The following RERE variants were observed in gnomAD, a reference collection of about 807,000 sequenced individuals.
The protein encoded by RERE is arginine-glutamic acid dipeptide repeats protein.
A neutral mutation model predicts 146.1 loss-of-function variants in RERE; 40 were observed. That is an observed-to-expected ratio of 0.27 (90% confidence interval 0.21 to 0.36). The LOEUF (loss-of-function observed/expected upper bound fraction) is 0.36. Among genes scored for constraint, RERE ranks in the 10% least tolerant of loss-of-function variants. The probability of loss-of-function intolerance (pLI) is 1.00; values close to 1 mark genes in which losing one functional copy is unlikely to be tolerated. For synonymous variants in RERE, 1,003 were observed against 866.0 expected, an observed-to-expected ratio of 1.16 and a Z score of -2.78; for missense variants, 1,933 against 2,138.7, an observed-to-expected ratio of 0.90 and a Z score of 1.90.
intron 1 of RERE, among the ~76,000 whole-genome samples, chr1:8,701,062 T>C (rs1004163260): frequency 1.3e-5 from 2 of 152,154 alleles, no homozygotes; most frequent in Non-Finnish European, 2.9e-5. Context: ...ACCTTCAGTG[T>C]AAGATAAAAC....
intron 10 of RERE, among the ~76,000 whole-genome samples, chr1:8,488,513 T>TG (rs545550260): frequency 9.3e-4 from 141 of 152,330 alleles, no homozygotes; most frequent in Non-Finnish European, 1.8e-3. Flanking sequence ...CCCAAAGTGC[T>TG]GGGATTATAG....
intron 12 of RERE, among the ~76,000 whole-genome samples, chr1:8,404,801 G>A (rs1183822692): frequency 1.3e-5 from 2 of 152,174 alleles, no homozygotes; most frequent in East Asian, 1.9e-4. Context: ...GTGTCAGGGC[G>A]AGGTGGAAGG....
chr1:8,689,386 A>G (rs1639159145), intron 1 of RERE, among the ~76,000 whole-genome samples: 1 of 152,212 alleles, frequency 6.6e-6, no homozygotes, highest in Non-Finnish European at 1.5e-5. Flanking sequence ...GATAGCCACA[A>G]ATAACTCCTC....
chr1:8,586,801 GT>G (rs33933952), intron 4 of RERE, among the ~76,000 whole-genome samples: 128,619 of 152,140 alleles, frequency 0.85, 54,635 homozygotes, highest in East Asian at 0.95. Context: ...GAAAATGTAT[GT>G]TAAGAAAATA....
intron 12 of RERE, among the ~76,000 whole-genome samples, chr1:8,413,532 TGGGGTTTCA>T (rs1643673160): frequency 6.6e-6 from 1 of 151,198 alleles, no homozygotes; most frequent in African/African-American, 2.4e-5. Context: ...TTTGTAGAGA[TGGGGTTTCA>T]CCATGTTGCC....
chr1:8,499,066 G>A (rs1222309629), intron 8 of RERE, among the ~76,000 whole-genome samples: 5 of 151,852 alleles, frequency 3.3e-5, no homozygotes, highest in African/African-American at 1.2e-4. Flanking sequence ...ACACTCTGCT[G>A]GGACAGAGCA....
At chr1:8,698,575 C>G (rs1016584841) in intron 1 of RERE, among the ~76,000 whole-genome samples, 3 of 152,312 alleles carry the variant, frequency 2.0e-5, no homozygotes, top group Admixed American at 2.0e-4. Context: ...GCTCATTCAT[C>G]TTGTGGAAAA....
intron 1 of RERE, among the ~76,000 whole-genome samples, chr1:8,716,873 C>A (rs990863363): frequency 1.6e-4 from 24 of 152,010 alleles, no homozygotes; most frequent in Admixed American, 5.2e-4. Context: ...ACGTAGGCAT[C>A]GGACTGAAAT....
At chr1:8,734,584 T>C (rs1302102302) in intron 1 of RERE, among the ~76,000 whole-genome samples, 1 of 152,168 alleles carries the variant, frequency 6.6e-6, no homozygotes, top group Non-Finnish European at 1.5e-5. Flanking sequence ...TTACTTAATC[T>C]CCCTGCCTCG....
chr1:8,602,491 A>G (rs980661810), intron 4 of RERE, among the ~76,000 whole-genome samples: 2 of 148,352 alleles, frequency 1.3e-5, no homozygotes, highest in Non-Finnish European at 3.0e-5. Flanking sequence ...ATAGAAGCCC[A>G]TAAGAATTCC....
intron 1 of RERE, among the ~76,000 whole-genome samples, chr1:8,674,678 A>G (rs560582224): frequency 1.3e-5 from 2 of 152,350 alleles, no homozygotes; most frequent in African/African-American, 2.4e-5. Flanking sequence ...AAGTGCCCCA[A>G]TGTTGACTTG....
At chr1:8,697,379 A>G (rs374455897) in intron 1 of RERE, among the ~76,000 whole-genome samples, 1 of 111,942 alleles carries the variant, frequency 8.9e-6, no homozygotes, top group African/African-American at 3.3e-5. Flanking sequence ...TCCCCCAACC[A>G]CACCCCCCCC....
intron 12 of RERE, among the ~76,000 whole-genome samples, chr1:8,417,733 A>G (rs1463471296): frequency 6.6e-6 from 1 of 152,102 alleles, no homozygotes; most frequent in African/African-American, 2.4e-5. Context: ...ACCCATACAC[A>G]TTCTTTGGAG....
In RERE at chr1:8,355,111, C is replaced by T. The variant is rs756416420; in HGVS notation, c.4677G>A (p.Lys1559=). 4.3e-6 allele frequency: 7 copies of T among 1,613,982 alleles called. No individual in the cohort carries two copies. The highest frequency in any genetic ancestry group is 1.1e-5 in the South Asian group (1 of 91,082). ...PSQEDYYSRL[K]KEGDKQL ...CTTATAACTGCTTGTCACCTTCTTTCTTCAGTCGACTGGAAAGACAAAACA... is the reference window on the plus strand; with the variant it reads ...CTTATAACTGCTTGTCACCTTCTTTTTTCAGTCGACTGGAAAGACAAAACA... Residue 1559 remains lysine, a synonymous_variant, in exon 23 of 23, where the codon AAG becomes AAA. Coordinates refer to ENST00000400908, the MANE Select transcript of RERE (RefSeq NM_001042681.2).
At chr1:8,729,992 A>G (rs991039177) in intron 1 of RERE, among the ~76,000 whole-genome samples, 1 of 152,196 alleles carries the variant, frequency 6.6e-6, no homozygotes, top group Non-Finnish European at 1.5e-5. Flanking sequence ...CACTCACATC[A>G]ATGTTACACT....
At chr1:8,486,676 A>G (rs1045165009) in intron 10 of RERE, among the ~76,000 whole-genome samples, 1 of 151,638 alleles carries the variant, frequency 6.6e-6, no homozygotes, top group African/African-American at 2.4e-5. Context: ...CAAACTCTAA[A>G]GAGATCAATA....
chr1:8,708,839 GC>G (rs1639608070), intron 1 of RERE, among the ~76,000 whole-genome samples: 1 of 148,728 alleles, frequency 6.7e-6, no homozygotes, highest in Non-Finnish European at 1.5e-5. Flanking sequence ...ACAATTTTAA[GC>G]AAACTATCTA....
At position 8,354,713 on chromosome 1, in the gene RERE, G is replaced by A. The variant is rs189223675; in HGVS notation, c.*374C>T. On this transcript the variant is annotated 3_prime_UTR_variant, in exon 23 of 23. Transcript: ENST00000400908. ...TCGTGGGCTCTGGAGCACTCGTGGCGGAGTGTGTCAGTGTGTCTGCACGCA... is the reference window on the plus strand; with the variant it reads ...TCGTGGGCTCTGGAGCACTCGTGGCAGAGTGTGTCAGTGTGTCTGCACGCA... 62 of 196,080 alleles carry A rather than the reference G, an allele frequency of 3.2e-4. No individual in the cohort carries two copies. The highest frequency in any genetic ancestry group is 1.7e-3 in the Admixed American group (28 of 16,690). 12.1% of individuals were successfully genotyped at this position (196,080 alleles called of 1,614,324 possible).
At chr1:8,548,813 T>C (rs1645898342) in intron 6 of RERE, among the ~76,000 whole-genome samples, 1 of 151,868 alleles carries the variant, frequency 6.6e-6, no homozygotes, top group South Asian at 2.1e-4. Flanking sequence ...TGAAACCCCA[T>C]CTCTACTAAA....
Sources: allele counts gnomAD v4.1 joint callset (sites outside exome capture counted in the v4.1 genomes callset), GRCh38; gene constraint gnomAD v4.1.1; transcripts MANE v1.5; gene names NCBI Gene and HGNC (gene_info 2026-07-23, HGNC 2026-07-21).